Variants in NEK10 observed in about 807,000 individuals in gnomAD.
NEK10 encodes serine/threonine-protein kinase Nek10.
A neutral mutation model predicts 159.8 loss-of-function variants in NEK10; 122 were observed. The observed-to-expected ratio is 0.76, with a 90% confidence interval of 0.66 to 0.89. NEK10 has a LOEUF of 0.89. NEK10 is among the 40% of genes least tolerant of loss of function. NEK10 has a pLI of 0.00. For missense variants in NEK10, 1,342 were observed against 1,323.1 expected (o/e 1.01, Z -0.22); for synonymous variants, 466 against 457.1 (o/e 1.02, Z -0.25).
chr3:27,198,514 C>A (rs1302531686), intron 25 of NEK10, among the ~76,000 whole-genome samples: 2 of 152,054 alleles, frequency 1.3e-5, no homozygotes, highest in Non-Finnish European at 2.9e-5. Context: ...TTCAACAAAC[C>A]TGACAAAAAC....
At position 27,297,241 on chromosome 3, in the gene NEK10, C is replaced by G; in HGVS notation, c.1169-1G>C. ...AGCTCAGTGAGGGCAGCACAGCAGG[C>G]TGGAATGACAACAATCAAATGCATA... On this transcript the variant is annotated splice_acceptor_variant, in intron 13 of 35. Coordinates refer to ENST00000691995, the MANE Select transcript of NEK10 (RefSeq NM_001394966.1). LOFTEE classifies it high-confidence loss of function. 1 of 1,609,472 alleles carries G rather than the reference C, an allele frequency of 6.2e-7. No homozygotes were observed. Among genetic ancestry groups the G allele is most frequent in the Non-Finnish European group, 8.5e-7 (1 of 1,175,898 alleles).
At chr3:27,270,242 G>A (rs796142778) in intron 22 of NEK10, among the ~76,000 whole-genome samples, 1 of 152,156 alleles carries the variant, frequency 6.6e-6, no homozygotes, top group South Asian at 2.1e-4. Flanking sequence ...TTATTCTGCT[G>A]AAGAGGTTAT....
chr3:27,267,365 T>C (rs2149380388), intron 22 of NEK10, among the ~76,000 whole-genome samples: 1 of 152,324 alleles, frequency 6.6e-6, no homozygotes, highest in East Asian at 1.9e-4. Context: ...TTTATTGTGC[T>C]TCACTTTATT....
intron 23 of NEK10, among the ~76,000 whole-genome samples, chr3:27,229,258 C>T (rs764569013): frequency 2.6e-5 from 4 of 152,146 alleles, no homozygotes; most frequent in Non-Finnish European, 5.9e-5. Flanking sequence ...GGAACTCATA[C>T]AGAGTCTTTA....
intron 23 of NEK10, among the ~76,000 whole-genome samples, chr3:27,240,496 T>C (rs1278506548): frequency 3.9e-5 from 6 of 152,192 alleles, no homozygotes; most frequent in Admixed American, 3.9e-4. Context: ...TAAAGTCACA[T>C]AAAAATGTGT....
intron 22 of NEK10, among the ~76,000 whole-genome samples, chr3:27,264,419 A>G (rs1042768965): frequency 2.6e-5 from 4 of 152,206 alleles, no homozygotes; most frequent in African/African-American, 9.6e-5. Context: ...AAATCCAGTG[A>G]CATATAAAAA....
Position 27,202,448 on chromosome 3 carries a change from T to G in NEK10, c.2200A>C (p.Met734Leu). 1 of 1,613,548 alleles carries G rather than the reference T, an allele frequency of 6.2e-7. No individual in the cohort carries two copies. Among genetic ancestry groups the G allele is most frequent in the Non-Finnish European group, 8.5e-7 (1 of 1,179,668 alleles). Residue 734 changes from methionine to leucine, a missense_variant, in exon 24 of 36, where the codon ATG (methionine) becomes CTG (leucine). Met to Leu is a conservative substitution (Grantham distance 15, BLOSUM62 2). Transcript: ENST00000691995. ...TLSPPFYSTN[M>L]LSLATKIVEA... Reference sequence around the variant, plus strand: ...CTTACTTTTGTAGCCAAGGACAGCATGTTAGTGCTGTAGAAGGGGGGACTC... The same window carrying G: ...CTTACTTTTGTAGCCAAGGACAGCAGGTTAGTGCTGTAGAAGGGGGGACTC...
intron 30 of NEK10, among the ~76,000 whole-genome samples, chr3:27,157,777 G>A (rs537816626): frequency 2.6e-4 from 39 of 152,212 alleles, no homozygotes; most frequent in African/African-American, 8.7e-4. Context: ...AGACTGAATT[G>A]ATTGAGCAAA....
chr3:27,314,731 G>A (rs1163081417), intron 6 of NEK10, among the ~76,000 whole-genome samples: 1 of 152,140 alleles, frequency 6.6e-6, no homozygotes, highest in Non-Finnish European at 1.5e-5. Context: ...GACGAACCTG[G>A]ATGAGTTCAT....
chr3:27,352,342 G>A (rs2048027242), intron 3 of NEK10, 123 bp downstream of exon 3: 1 of 705,170 alleles, frequency 1.4e-6, no homozygotes, highest in Middle Eastern at 2.8e-4. Flanking sequence ...TGAAGAAAGA[G>A]CAAAGATGTG....
intron 9 of NEK10, chr3:27,310,705 G>A: frequency 2.7e-6 from 1 of 373,616 alleles, no homozygotes; most frequent in Non-Finnish European, 4.7e-6. Context: ...AAACCTAGTT[G>A]GTATTAAATG....
At chr3:27,320,431 A>G (rs1575733372) in intron 6 of NEK10, among the ~76,000 whole-genome samples, 1 of 152,236 alleles carries the variant, frequency 6.6e-6, no homozygotes, top group African/African-American at 2.4e-5. Context: ...TACACATATA[A>G]TGTTTTCATC....
In NEK10 at chr3:27,312,148, G is replaced by A. The variant is rs2044747384; in HGVS notation, c.519C>T (p.Leu173=). The change falls in exon 8 of 36, where the codon CTC becomes CTT. Residue 173 remains leucine (L), a synonymous_variant. Transcript: ENST00000691995. The stretch of plus-strand genomic sequence containing the variant: ...CAGTGTGCTGCTCTTCTCCATAGCC[G>A]AGGTACTCATTGGCTACAATCTCCA... ...QYMEIVANEY[L]GYGEEQHTVD... 5 of 1,611,350 alleles carry A rather than the reference G, an allele frequency of 3.1e-6. No individual in the cohort carries two copies. Among genetic ancestry groups the A allele is most frequent in the African/African-American group, 2.7e-5 (2 of 74,840 alleles).
At chr3:27,293,312 A>G (rs2043134617) in intron 16 of NEK10, among the ~76,000 whole-genome samples, 1 of 152,246 alleles carries the variant, frequency 6.6e-6, no homozygotes, top group South Asian at 2.1e-4. Context: ...ATCAAAAAGA[A>G]AGCTAAAATC....
At chr3:27,162,616 G>A in intron 30 of NEK10, 85 bp downstream of exon 30, 1 of 1,613,998 alleles carries the variant, frequency 6.2e-7, no homozygotes, top group Non-Finnish European at 8.5e-7. Context: ...AGAAATAAAA[G>A]GGGGAAAGAT....
chr3:27,160,406 T>C (rs62255208), intron 30 of NEK10, among the ~76,000 whole-genome samples: 3,019 of 152,268 alleles, frequency 0.02, 58 homozygotes, highest in Non-Finnish European at 0.031. Context: ...ATCATCCAAA[T>C]TGACTTGCAA....
chr3:27,323,248 G>T (rs2045775335), intron 5 of NEK10, among the ~76,000 whole-genome samples: 1 of 152,148 alleles, frequency 6.6e-6, no homozygotes. Flanking sequence ...GCTCAGAGTT[G>T]TCCCATACTG....
intron 23 of NEK10, among the ~76,000 whole-genome samples, chr3:27,226,163 C>G (rs1289570123): frequency 6.6e-6 from 1 of 151,198 alleles, no homozygotes; most frequent in African/African-American, 2.4e-5. Context: ...TCCGGAGTAG[C>G]TAGGACTACA....
intron 25 of NEK10, among the ~76,000 whole-genome samples, chr3:27,192,529 G>A (rs895570910): frequency 6.6e-6 from 1 of 150,810 alleles, no homozygotes. Flanking sequence ...AGGATGGGCA[G>A]ATGGGACCAT....
Sources: allele counts gnomAD v4.1 joint callset (sites outside exome capture counted in the v4.1 genomes callset), GRCh38; gene constraint gnomAD v4.1.1; transcripts MANE v1.5; gene names NCBI Gene and HGNC (gene_info 2026-07-23, HGNC 2026-07-21).